ARSG: variants seen among roughly 807,000 people sequenced by gnomAD.
ARSG encodes the protein ASG.
In ARSG, 37 loss-of-function variants were observed where a neutral mutation model predicts 50.5. The observed-to-expected ratio is 0.73, with a 90% CI of 0.56 to 0.96. The LOEUF is 0.96. ARSG is among the 50% of genes least tolerant of loss of function. The probability of loss-of-function intolerance (pLI) is 0.00; values close to 1 mark genes in which losing one functional copy is unlikely to be tolerated. For missense variants in ARSG, 629 were observed against 675.3 expected, an observed-to-expected ratio of 0.93 and a Z score of 0.76; for synonymous variants, 225 against 254.6, an observed-to-expected ratio of 0.88 and a Z score of 1.11.
chr17:68,316,567 A>G (rs1555768606), intron 2 of ARSG, among the ~76,000 whole-genome samples: 1 of 152,178 alleles, frequency 6.6e-6, no homozygotes, highest in East Asian at 1.9e-4. Context: ...CTGGAACTAG[A>G]CTGCCTTGGT....
intron 8 of ARSG, among the ~76,000 whole-genome samples, chr17:68,383,518 C>A (rs1217802584): frequency 6.6e-6 from 1 of 152,224 alleles, no homozygotes; most frequent in East Asian, 1.9e-4. Flanking sequence ...TAAACAGGCT[C>A]CCCGTTTTCA....
At chr17:68,433,575 C>G in the ARSG span, 4 of 1,613,140 alleles carry the variant, frequency 2.5e-6, no homozygotes, top group Non-Finnish European at 3.4e-6. Flanking sequence ...TTGTCACATA[C>G]CTACAAGCAC....
intron 4 of ARSG, among the ~76,000 whole-genome samples, chr17:68,348,833 A>C (rs1473442935): frequency 1.3e-5 from 2 of 152,120 alleles, no homozygotes; most frequent in African/African-American, 4.8e-5. Context: ...ATTCCTTCTA[A>C]GCACCCACGC....
chr17:68,351,118 T>C (rs113746529), intron 4 of ARSG, among the ~76,000 whole-genome samples: 23 of 152,270 alleles, frequency 1.5e-4, no homozygotes, highest in African/African-American at 5.1e-4. Flanking sequence ...TTATATCTTA[T>C]TTTCTCCTCA....
At chr17:68,375,398 G>A (rs761382468) in intron 8 of ARSG, among the ~76,000 whole-genome samples, 5 of 152,084 alleles carry the variant, frequency 3.3e-5, no homozygotes, top group South Asian at 4.2e-4. Context: ...GCTTCACCCC[G>A]GGCCAAAAGA....
At position 68,376,276 on chromosome 17, in the gene ARSG, C is replaced by CGTTTTTTTT. The variant is rs149045241; in HGVS notation, c.982+5752_982+5753insGTTTTTTTT. ...CAGGAGTGTGCCACTGCGCCCCCTGCATTTTTTTTTTTTTTTCTGAGATAG... is the reference window on the plus strand; with the variant it reads ...CAGGAGTGTGCCACTGCGCCCCCTGCGTTTTTTTTATTTTTTTTTTTTTTTCTGAGATAG... On this transcript the variant is annotated intron_variant, in intron 8 of 11. Transcript: ENST00000621439. 1.4e-4 allele frequency among the ~76,000 whole-genome samples: 18 copies of CGTTTTTTTT among 131,962 alleles called. 3 individuals are homozygous for CGTTTTTTTT. Among genetic ancestry groups the CGTTTTTTTT allele is most frequent in the East Asian group, 2.2e-4 (1 of 4,614 alleles). 86.6% of individuals were successfully genotyped at this position (131,962 alleles called of 152,430 possible).
chr17:68,271,800 A>C lies in ARSG; in HGVS notation c.-552+12374A>C. ...TATACTCAGCAGTATGAATGTACTC[A>C]ATCTTTATTTATTTACTTTTTGAGA... On this transcript the variant is annotated intron_variant, in intron 1 of 11. Transcript: ENST00000448504. The surrounding 1 kb of genome is among the most constrained non-coding windows in gnomAD (Gnocchi z 5.3). 1.5e-6 allele frequency: 1 copy of C among 654,730 alleles called. No individual in the cohort carries two copies. Among genetic ancestry groups the C allele is most frequent in the Non-Finnish European group, 2.6e-6 (1 of 382,578 alleles). 40.6% of individuals were successfully genotyped at this position (654,730 alleles called of 1,614,324 possible). A position where few individuals can be genotyped will look rare whatever the true frequency, so the allele number is the denominator to read the frequency against.
chr17:68,352,512 CTTTTTTTTT>C (rs368506056), intron 5 of ARSG, among the ~76,000 whole-genome samples: 1 of 139,770 alleles, frequency 7.2e-6, no homozygotes, highest in Non-Finnish European at 1.5e-5. Flanking sequence ...TTTTTTCTTT[CTTTTTTTTT>C]TTTTTTGAGA....
chr17:68,320,104 C>T (rs2077221194), intron 2 of ARSG, among the ~76,000 whole-genome samples: 3 of 152,004 alleles, frequency 2.0e-5, no homozygotes, highest in Non-Finnish European at 2.9e-5. Flanking sequence ...CTGGGCAACA[C>T]GGTGAAATCC....
chr17:68,428,801 G>T, the ARSG span: 1 of 1,556,126 alleles, frequency 6.4e-7, no homozygotes. Context: ...CTCTCGAAAG[G>T]CTGTCTTTTG....
chr17:68,436,563 G>A, the ARSG span: 4 of 1,251,118 alleles, frequency 3.2e-6, no homozygotes, highest in Non-Finnish European at 4.6e-6. Context: ...AAACAGTACA[G>A]CTACAGTGCC....
chr17:68,314,525 CA>C (rs57021660), intron 2 of ARSG, among the ~76,000 whole-genome samples: 1,648 of 116,958 alleles, frequency 0.014, 27 homozygotes, highest in African/African-American at 0.045. Flanking sequence ...GACTCCATCT[CA>C]AAAAAAAAAA....
chr17:68,316,492 A>T (rs78757829), intron 2 of ARSG, among the ~76,000 whole-genome samples: 10,734 of 152,284 alleles, frequency 0.07, 412 homozygotes, highest in Non-Finnish European at 0.077. Context: ...ATAATTGTTC[A>T]CGTACTTGGA....
At chr17:68,426,241 G>GT (rs1177906829), downstream of ARSG, 40 of 1,107,420 alleles carry the variant, frequency 3.6e-5, 1 homozygote, top group Middle Eastern at 3.0e-4. Flanking sequence ...GACCTGGCGG[G>GT]TGGGGAGCGG....
chr17:68,259,695 C>A lies in ARSG; in HGVS notation c.-552+269C>A, dbSNP rs181335225. The stretch of plus-strand genomic sequence containing the variant: ...ATATCAATGCTGAATGTTTTATGTC[C>A]TTTTTTTGTACCATCTTCAAATTCC... On this transcript the variant is annotated intron_variant, in intron 1 of 11. Coordinates refer to the ARSG transcript ENST00000448504. 9.4e-4 allele frequency among the ~76,000 whole-genome samples: 143 copies of A among 152,216 alleles called. 1 individual carries two copies. Among genetic ancestry groups the A allele is most frequent in the African/African-American group, 3.4e-3 (140 of 41,520 alleles).
chr17:68,450,933 G>T, the ARSG span: 3 of 1,587,258 alleles, frequency 1.9e-6, no homozygotes, highest in Non-Finnish European at 2.6e-6. Flanking sequence ...TACATGGATT[G>T]ATCACTTCCA....
chr17:68,374,577 T>A lies in ARSG; in HGVS notation c.982+4053T>A, dbSNP rs138979047. Among the ~76,000 whole-genome samples, 795 of 152,104 alleles carry A rather than the reference T, an allele frequency of 5.2e-3. 3 individuals are homozygous for A. Among genetic ancestry groups the A allele is most frequent in the Non-Finnish European group, 8.2e-3 (559 of 67,978 alleles). On this transcript the variant is annotated intron_variant, in intron 8 of 11. Coordinates refer to ENST00000621439, the MANE Select transcript of ARSG (RefSeq NM_001267727.2). ...GAAATACATTTACTAGCTGGCCAGG[T>A]GCAGTGGCTCATGCCTGTAGTCCTA... is the stretch of plus-strand genomic sequence containing the variant.
In ARSG at chr17:68,378,348, T is replaced by C. The variant is rs911219133; in HGVS notation, c.983-6716T>C. 2.6e-5 allele frequency among the ~76,000 whole-genome samples: 4 copies of C among 152,258 alleles called. No individual in the cohort carries two copies. Among genetic ancestry groups the C allele is most frequent in the Non-Finnish European group, 4.4e-5 (3 of 68,038 alleles). On this transcript the variant is annotated intron_variant, in intron 8 of 11. Coordinates refer to ENST00000621439, the MANE Select transcript of ARSG (RefSeq NM_001267727.2). This position sits in a 1 kb window ranked among gnomAD's most constrained non-coding sequence, Gnocchi z 4.4. Reference sequence around the variant, plus strand: ...CGTCAGGCCACGTGCTGTCTTCCCCTGTTCTCAGGGCCCCCAGGCCCCCCT... The same window carrying C: ...CGTCAGGCCACGTGCTGTCTTCCCCCGTTCTCAGGGCCCCCAGGCCCCCCT...
At chr17:68,336,585 G>A (rs2078031616) in intron 2 of ARSG, among the ~76,000 whole-genome samples, 1 of 152,196 alleles carries the variant, frequency 6.6e-6, no homozygotes, top group Non-Finnish European at 1.5e-5. Context: ...GGGCACAGTG[G>A]CTCATGCCTG....
Sources: gnomAD v4.1 joint callset for allele counts (sites outside exome capture counted in the v4.1 genomes callset) on GRCh38, gnomAD v4.1.1 for gene constraint, Gnocchi (gnomAD v3.1) non-coding constraint, MANE v1.5 for transcripts, NCBI Gene and HGNC (gene_info 2026-07-23, HGNC 2026-07-21) for gene names.